Variants in SMIM7 observed in about 807,000 individuals in gnomAD.
The protein encoded by SMIM7 is UPF0608 protein C19orf42.
Under a neutral mutation model 13.3 loss-of-function variants are expected in SMIM7, and 12 were observed. The ratio of observed to expected loss-of-function variants is 0.90; its 90% CI spans 0.58 to 1.46. The LOEUF is 1.46. Ranked by LOEUF, SMIM7 falls within the 40% of genes most tolerant of loss-of-function variation. The probability of loss-of-function intolerance (pLI) is 0.00; values close to 1 mark genes in which losing one functional copy is unlikely to be tolerated. For synonymous variants in SMIM7, 36 were observed against 35.8 expected, an observed-to-expected ratio of 1.01 and a Z score of -0.02; for missense variants, 114 against 94.8, an observed-to-expected ratio of 1.20 and a Z score of -0.84.
intron 4 of SMIM7, among the ~76,000 whole-genome samples, chr19:16,636,870 T>C (rs544923289): frequency 1.3e-5 from 2 of 152,252 alleles, no homozygotes; most frequent in East Asian, 3.9e-4. Context: ...GGAGGACAGC[T>C]TGAGCTCAGG....
intron 4 of SMIM7, chr19:16,633,789 A>C (rs1473967387): frequency 6.6e-6 from 1 of 152,226 alleles, no homozygotes; most frequent in South Asian, 2.1e-4. Flanking sequence ...TGCAGCATAT[A>C]AACTATATAC....
At chr19:16,641,081 C>G (rs908381444), downstream of SMIM7, 1 of 152,038 alleles carries the variant, frequency 6.6e-6, no homozygotes, top group Admixed American at 6.6e-5. Flanking sequence ...CCCTGAGTGG[C>G]TTTGGGAGGG....
chr19:16,659,190 G>C, intron 3 of SMIM7: 3 of 635,820 alleles, frequency 4.7e-6, no homozygotes, highest in Non-Finnish European at 5.6e-6. Flanking sequence ...GGCTGAGGTG[G>C]AAGGATCACT....
chr19:16,642,463 T>C (rs368837236), downstream of SMIM7, among the ~76,000 whole-genome samples: 2 of 152,026 alleles, frequency 1.3e-5, no homozygotes, highest in East Asian at 1.9e-4. Flanking sequence ...GGCATGAGAA[T>C]TGCTTGAACC....
intron 4 of SMIM7, among the ~76,000 whole-genome samples, chr19:16,635,899 A>AAAAATAT (rs1200181092): frequency 5.7e-4 from 62 of 109,564 alleles, no homozygotes; most frequent in African/African-American, 2.5e-3. Context: ...AAAAAAAAAA[A>AAAAATAT]ATATATATAT....
chr19:16,639,024 T>C (rs907435593), intron 4 of SMIM7: 1 of 152,040 alleles, frequency 6.6e-6, no homozygotes, highest in Non-Finnish European at 1.5e-5. Context: ...CTTGGCACAG[T>C]CCACACTCTT....
intron 3 of SMIM7, among the ~76,000 whole-genome samples, chr19:16,657,302 C>T (rs2086608911): frequency 6.6e-6 from 1 of 152,182 alleles, no homozygotes; most frequent in African/African-American, 2.4e-5. Context: ...TGGTGCCCTG[C>T]CTGGCATCCC....
chr19:16,653,565 A>AGCCT (rs1377154713), intron 4 of SMIM7: 1 of 160,994 alleles, frequency 6.2e-6, no homozygotes, highest in Non-Finnish European at 1.4e-5. Context: ...CCTGGGCAAC[A>AGCCT]GAGCAAGACT....
intron 3 of SMIM7, among the ~76,000 whole-genome samples, chr19:16,657,451 A>G (rs1322201836): frequency 1.3e-5 from 2 of 152,212 alleles, no homozygotes; most frequent in African/African-American, 4.8e-5. Context: ...GAGTCAATGT[A>G]TGAATGGATG....
At chr19:16,651,741 G>C (rs556094896) in intron 4 of SMIM7, among the ~76,000 whole-genome samples, 1 of 151,638 alleles carries the variant, frequency 6.6e-6, no homozygotes, top group Non-Finnish European at 1.5e-5. Flanking sequence ...CAGGACCTTT[G>C]CAAAGACGAG....
chr19:16,656,910 C>A (rs1164736408), intron 3 of SMIM7, among the ~76,000 whole-genome samples: 2 of 150,582 alleles, frequency 1.3e-5, no homozygotes, highest in African/African-American at 2.4e-5. Context: ...AAAAAAAAAA[C>A]AACAAAAAAA....
downstream of SMIM7, among the ~76,000 whole-genome samples, chr19:16,643,623 C>T (rs1351912302): frequency 6.6e-6 from 1 of 152,106 alleles, no homozygotes; most frequent in Non-Finnish European, 1.5e-5. Flanking sequence ...TATTGAACTC[C>T]TGGCCTCAAG....
chr19:16,653,765 C>T lies in SMIM7; in HGVS notation c.212+270G>A, dbSNP rs189115527. The T allele has an allele frequency of 8.9e-5, 38 of 428,066 alleles. 1 individual carries two copies. Among genetic ancestry groups the T allele is most frequent in the African/African-American group, 5.3e-4 (24 of 45,270 alleles). 26.5% of individuals were successfully genotyped at this position (428,066 alleles called of 1,614,324 possible). ...AAAAAATCAGCCGTGTGTGGTGGCA[C>T]GCACCTGTAGTCCCAGTTACTCGGG... On this transcript the variant is annotated intron_variant, in intron 4 of 4. Transcript: ENST00000487416.
chr19:16,654,019 G>T lies in SMIM7; in HGVS notation c.212+16C>A, dbSNP rs1298492070. ...CTAAGAGACGACAGTGAAAGGAAAG[G>T]GCAGGCTGGACTCACACAATCATGC... On this transcript the variant is annotated intron_variant, in intron 4 of 4. Transcript: ENST00000487416. 6.2e-7 allele frequency: 1 copy of T among 1,610,380 alleles called. No homozygotes were observed. The highest frequency in any genetic ancestry group is 8.5e-7 in the Non-Finnish European group (1 of 1,177,428).
chr19:16,657,649 G>A (rs2086613539), intron 3 of SMIM7, among the ~76,000 whole-genome samples: 1 of 152,178 alleles, frequency 6.6e-6, no homozygotes, highest in Non-Finnish European at 1.5e-5. Flanking sequence ...TAAGAATGGA[G>A]GGAGAATGCA....
intron 4 of SMIM7, chr19:16,640,545 A>G (rs1277501353): frequency 6.6e-6 from 1 of 152,242 alleles, no homozygotes; most frequent in African/African-American, 2.4e-5. Context: ...ACCACTTCAG[A>G]AGAGAGCAGA....
Position 16,646,984 on chromosome 19 carries a change from C to G in SMIM7, c.*262G>C. 1 of 560,026 alleles carries G rather than the reference C, an allele frequency of 1.8e-6. No individual in the cohort carries two copies. The allele number at this position is 560,026 out of a possible 1,614,324, so 34.7% of individuals were successfully genotyped here. ...ATCTATGGGGAATGCAATTTCATCACAGCCCCTTACATAAACGCTCCTGAA... is the reference window on the plus strand; with the variant it reads ...ATCTATGGGGAATGCAATTTCATCAGAGCCCCTTACATAAACGCTCCTGAA... On this transcript the variant is annotated 3_prime_UTR_variant, in exon 5 of 5. Coordinates refer to ENST00000487416, the MANE Select transcript of SMIM7 (RefSeq NM_024104.4).
rs143815897 is a variant in SMIM7, at chr19:16,651,851, A to C, written c.212+2184T>G. Among the ~76,000 whole-genome samples, 467 of 143,574 alleles carry C rather than the reference A, an allele frequency of 3.3e-3. 6 individuals carry two copies. Among genetic ancestry groups the C allele is most frequent in the African/African-American group, 0.012 (426 of 36,902 alleles). The allele number at this position is 143,574 out of a possible 152,430, so 94.2% of individuals were successfully genotyped here. On this transcript the variant is annotated intron_variant, in intron 4 of 4. Coordinates refer to ENST00000487416, the MANE Select transcript of SMIM7 (RefSeq NM_024104.4). ...CTTCCCTGCCCCAGGACCTTTGCAA[A>C]GATGAGAATGAGAAGCATGCTGACT... is the stretch of plus-strand genomic sequence containing the variant.
At chr19:16,659,844 AG>A (rs2122561771) in intron 2 of SMIM7, 114 bp downstream of exon 2, 1 of 1,377,450 alleles carries the variant, frequency 7.3e-7, no homozygotes. Flanking sequence ...GAGGGCGGAT[AG>A]GGCGGGGCCT....
Sources: gnomAD v4.1 joint callset for allele counts (sites outside exome capture counted in the v4.1 genomes callset) on GRCh38, gnomAD v4.1.1 for gene constraint, MANE v1.5 for transcripts, NCBI Gene and HGNC (gene_info 2026-07-23, HGNC 2026-07-21) for gene names.